DENND6A: variants seen among roughly 807,000 people sequenced by gnomAD.
The protein encoded by DENND6A is protein DENND6A.
A neutral mutation model predicts 95.5 loss-of-function variants in DENND6A; 43 were observed. The observed-to-expected ratio is 0.45, with a 90% CI of 0.35 to 0.58. The LOEUF is 0.58. Among genes scored for constraint, DENND6A ranks in the 20% least tolerant of loss-of-function variants. The probability of loss-of-function intolerance (pLI) is 0.00; values close to 1 mark genes in which losing one functional copy is unlikely to be tolerated. For synonymous variants in DENND6A, 257 were observed against 260.4 expected (o/e 0.99, Z 0.13); for missense variants, 574 against 736.0 (o/e 0.78, Z 2.55).
intron 12 of DENND6A, among the ~76,000 whole-genome samples, chr3:57,638,588 G>A (rs1331244083): frequency 6.6e-6 from 1 of 152,048 alleles, no homozygotes; most frequent in Non-Finnish European, 1.5e-5. Context: ...AACCCGGGAG[G>A]TGGAGGTTGC....
In DENND6A at chr3:57,625,915, T is replaced by G. The variant is rs2070517643; in HGVS notation, c.*2299A>C. On this transcript the variant is annotated 3_prime_UTR_variant, in exon 20 of 20. Coordinates refer to ENST00000311128, the MANE Select transcript of DENND6A (RefSeq NM_152678.3). ...TCCTGTAGTGGCATAATTTAAAAGATCCTTGATATGACACCAACAACTTAC... is the reference window on the plus strand; with the variant it reads ...TCCTGTAGTGGCATAATTTAAAAGAGCCTTGATATGACACCAACAACTTAC... 6.6e-6 allele frequency: 1 copy of G among 152,638 alleles called. No individual in the cohort carries two copies. Among genetic ancestry groups the G allele is most frequent in the Non-Finnish European group, 1.5e-5 (1 of 68,042 alleles). 9.5% of individuals were successfully genotyped at this position (152,638 alleles called of 1,614,324 possible).
intron 9 of DENND6A, among the ~76,000 whole-genome samples, chr3:57,649,897 T>C (rs2071165185): frequency 7.7e-6 from 1 of 130,674 alleles, no homozygotes; most frequent in East Asian, 2.1e-4. Context: ...TTCCCCTTTT[T>C]GGGCTCTGAC....
intron 3 of DENND6A, among the ~76,000 whole-genome samples, chr3:57,671,249 G>A (rs1466459079): frequency 6.6e-6 from 1 of 152,200 alleles, no homozygotes; most frequent in African/African-American, 2.4e-5. Context: ...AACCGGCCGG[G>A]TGTGGTGGCT....
Position 57,663,635 on chromosome 3 carries a change from C to T in DENND6A, c.513+1G>A, listed in dbSNP as rs1250832799. On this transcript the variant is annotated splice_donor_variant, in intron 5 of 19. Transcript: ENST00000311128. LOFTEE classifies it high-confidence loss of function. The stretch of plus-strand genomic sequence containing the variant: ...TTTTTATTAGTGTGTATGACAATTA[C>T]CTTCTGAAAGTAGCCTCTTTTTAGA... The T allele has an allele frequency of 1.9e-6, 3 of 1,589,138 alleles. No homozygotes were observed. The highest frequency in any genetic ancestry group is 1.8e-5 in the Admixed American group (1 of 56,062).
intron 14 of DENND6A, among the ~76,000 whole-genome samples, chr3:57,634,184 G>C (rs374337029): frequency 9.9e-5 from 15 of 152,140 alleles, no homozygotes; most frequent in African/African-American, 3.6e-4. Context: ...TGTAATCCCA[G>C]GACTTTGGGA....
intron 3 of DENND6A, 138 bp from the exon 4 acceptor site, chr3:57,666,373 C>G: frequency 5.8e-6 from 4 of 693,934 alleles, no homozygotes; most frequent in Non-Finnish European, 9.2e-6. Flanking sequence ...AAAAGAAAAT[C>G]CTAAGAGTTC....
In DENND6A at chr3:57,646,357, T is replaced by C. The variant is rs2071080145; in HGVS notation, c.900A>G (p.Pro300=). The change falls in exon 10 of 20, where the codon CCA becomes CCG. Residue 300 remains proline (P), a synonymous_variant. Transcript: ENST00000311128. ...LLGEPLVVMA[P]SPSESSETVL... is the part of the protein sequence containing the mutation. ...CAGTCTCTGATGATTCCGATGGTGA[T>C]GGCGCCATAACCACAAGGGGCTCCC... 15 of 1,613,912 alleles carry C rather than the reference T, an allele frequency of 9.3e-6. No individual in the cohort carries two copies. The highest frequency in any genetic ancestry group is 1.3e-5 in the Non-Finnish European group (15 of 1,180,010).
chr3:57,691,319 T>C (rs1283229428), intron 1 of DENND6A, among the ~76,000 whole-genome samples: 1 of 152,236 alleles, frequency 6.6e-6, no homozygotes, highest in East Asian at 1.9e-4. Context: ...GATAAAGAAT[T>C]GCTCACATAT....
chr3:57,641,780 G>C, intron 11 of DENND6A, 33 bp from the exon 12 acceptor site: 1 of 1,554,906 alleles, frequency 6.4e-7, no homozygotes, highest in Non-Finnish European at 8.8e-7. Flanking sequence ...AAATAAAAAA[G>C]GTGAGAAAAA....
At chr3:57,680,681 C>T (rs2077156422) in intron 1 of DENND6A, among the ~76,000 whole-genome samples, 1 of 152,094 alleles carries the variant, frequency 6.6e-6, no homozygotes, top group Non-Finnish European at 1.5e-5. Context: ...ATATAAAATA[C>T]ATAAAGAACT....
chr3:57,645,554 T>G (rs946727380), intron 11 of DENND6A, 107 bp downstream of exon 11: 1 of 729,694 alleles, frequency 1.4e-6, no homozygotes, highest in Non-Finnish European at 2.2e-6. Flanking sequence ...CCTCAAACTT[T>G]CCTTTTATAA....
chr3:57,653,210 A>G (rs1289027573), intron 9 of DENND6A, among the ~76,000 whole-genome samples: 1 of 152,216 alleles, frequency 6.6e-6, no homozygotes, highest in Non-Finnish European at 1.5e-5. Context: ...ACATGAAAAC[A>G]TCTCACCAAC....
At chr3:57,659,570 A>T (rs920836481) in intron 7 of DENND6A, among the ~76,000 whole-genome samples, 1 of 152,226 alleles carries the variant, frequency 6.6e-6, no homozygotes, top group Admixed American at 6.5e-5. Context: ...CACTCAATCC[A>T]GAACTATCAG....
intron 12 of DENND6A, among the ~76,000 whole-genome samples, chr3:57,641,414 A>G (rs1312281066): frequency 6.8e-6 from 1 of 147,472 alleles, no homozygotes; most frequent in Non-Finnish European, 1.5e-5. Context: ...TATAAGTGTT[A>G]TATTATTATT....
intron 1 of DENND6A, among the ~76,000 whole-genome samples, chr3:57,686,587 G>C (rs2077213410): frequency 6.6e-6 from 1 of 152,022 alleles, no homozygotes; most frequent in Non-Finnish European, 1.5e-5. Context: ...GTTACACTTT[G>C]GTAATTCTCA....
chr3:57,630,409 C>G lies in DENND6A; in HGVS notation c.1620+12G>C, dbSNP rs186247755. ...AGTTGTTAATCATTACACAAACACA[C>G]AGTTTTCGAACCTCTTCACAAAGAG... On this transcript the variant is annotated intron_variant, in intron 18 of 19. Transcript: ENST00000311128. 4.5e-6 allele frequency: 7 copies of G among 1,570,232 alleles called. No individual in the cohort carries two copies. The highest frequency in any genetic ancestry group is 2.4e-5 in the South Asian group (2 of 82,262).
chr3:57,682,474 G>A (rs6806730), intron 1 of DENND6A, among the ~76,000 whole-genome samples: 58,675 of 151,662 alleles, frequency 0.39, 12,678 homozygotes, highest in South Asian at 0.56. Context: ...CCATTTATGC[G>A]CCTATCAAAT....
intron 1 of DENND6A, among the ~76,000 whole-genome samples, chr3:57,688,007 T>A (rs1418998768): frequency 1.3e-5 from 2 of 151,700 alleles, no homozygotes; most frequent in Non-Finnish European, 2.9e-5. Context: ...GGGTTTGTTT[T>A]TTTTTTGAGA....
chr3:57,635,535 TA>T (rs1281242160), intron 12 of DENND6A, among the ~76,000 whole-genome samples: 1 of 152,144 alleles, frequency 6.6e-6, no homozygotes, highest in Non-Finnish European at 1.5e-5. Context: ...TAAAAGAACC[TA>T]AGAACTGAAA....
Sources: allele counts gnomAD v4.1 joint callset (sites outside exome capture counted in the v4.1 genomes callset), GRCh38; gene constraint gnomAD v4.1.1; transcripts MANE v1.5; gene names NCBI Gene and HGNC (gene_info 2026-07-23, HGNC 2026-07-21).